The following TMEM39A variants were observed in gnomAD, a reference collection of about 807,000 sequenced individuals.
TMEM39A encodes the protein transmembrane protein 39A.
Under a neutral mutation model 51.9 loss-of-function variants are expected in TMEM39A, and 19 were observed. The ratio of observed to expected loss-of-function variants is 0.37; its 90% CI spans 0.26 to 0.54. The LOEUF is 0.54. Among genes scored for constraint, TMEM39A ranks in the 20% least tolerant of loss-of-function variants. TMEM39A has a pLI of 0.88. For missense variants in TMEM39A, 433 were observed against 590.5 expected (o/e 0.73, Z 2.76); for synonymous variants, 197 against 220.2 (o/e 0.89, Z 0.93).
intron 7 of TMEM39A, among the ~76,000 whole-genome samples, chr3:119,436,321 C>T (rs2080967467): frequency 6.6e-6 from 1 of 151,914 alleles, no homozygotes; most frequent in Non-Finnish European, 1.5e-5. Context: ...TAAAAAAGTA[C>T]AGGTAAGGAA....
At chr3:119,438,292 A>G (rs1474894225) in intron 5 of TMEM39A, among the ~76,000 whole-genome samples, 189 bp from the exon 6 acceptor site, 1 of 152,236 alleles carries the variant, frequency 6.6e-6, no homozygotes, top group Non-Finnish European at 1.5e-5. Context: ...TTTCCATAAG[A>G]GCAGTGCACA....
chr3:119,450,826 CAAAAAAA>C (rs60326718), intron 4 of TMEM39A, among the ~76,000 whole-genome samples: 9 of 55,900 alleles, frequency 1.6e-4, no homozygotes, highest in South Asian at 1.2e-3. Flanking sequence ...GACTCCATCT[CAAAAAAA>C]AAAAAAAAAA....
At position 119,462,162 on chromosome 3, in the gene TMEM39A, A is replaced by G. The variant is rs1253391835; in HGVS notation, c.-74-14T>C. The stretch of plus-strand genomic sequence containing the variant: ...CCAGTTTCAACTCTGAACGACAACA[A>G]AAACATTTAAACATCAGTAGACTAT... On this transcript the variant is annotated splice_polypyrimidine_tract_variant and intron_variant, in intron 1 of 8. Transcript: ENST00000319172. 2 of 933,994 alleles carry G rather than the reference A, an allele frequency of 2.1e-6. No individual in the cohort carries two copies. The highest frequency in any genetic ancestry group is 5.1e-5 in the East Asian group (2 of 39,296). 57.9% of individuals were successfully genotyped at this position (933,994 alleles called of 1,614,324 possible). A position where few individuals can be genotyped will look rare whatever the true frequency, so the allele number is the denominator to read the frequency against.
intron 2 of TMEM39A, among the ~76,000 whole-genome samples, chr3:119,460,347 C>T (rs1463108780): frequency 1.3e-5 from 2 of 152,086 alleles, no homozygotes; most frequent in South Asian, 2.1e-4. Flanking sequence ...ATTTTCCGAA[C>T]GTTCCTACTT....
At chr3:119,459,282 G>A (rs1213925728) in intron 2 of TMEM39A, among the ~76,000 whole-genome samples, 1 of 152,204 alleles carries the variant, frequency 6.6e-6, no homozygotes, top group Non-Finnish European at 1.5e-5. Context: ...GAACACCTGT[G>A]TTTTGTCCTT....
At position 119,429,440 on chromosome 3, in the gene TMEM39A, C is replaced by G. The variant is rs556232601; in HGVS notation, c.*2541G>C. 6.6e-6 allele frequency: 1 copy of G among 152,040 alleles called. No homozygotes were observed. The highest frequency in any genetic ancestry group is 2.4e-5 in the African/African-American group (1 of 41,450). 9.4% of individuals were successfully genotyped at this position (152,040 alleles called of 1,614,324 possible). A position where few individuals can be genotyped will look rare whatever the true frequency, so the allele number is the denominator to read the frequency against. ...TTCCTTTTCCAGTATCCCAGTTCAC[C>G]CAACTGAACTTTTGCTATACCATGC... On this transcript the variant is annotated 3_prime_UTR_variant, in exon 9 of 9. Coordinates refer to ENST00000319172, the MANE Select transcript of TMEM39A (RefSeq NM_018266.3).
Position 119,463,438 on chromosome 3 carries a change from T to G in TMEM39A, c.-177A>C. On this transcript the variant is annotated 5_prime_UTR_variant, in exon 1 of 9. Transcript: ENST00000319172. ...GAACTCCCTCCCAGCGTTGGAACGC[T>G]GCAAACCAGCTGCTTGGACGCAGGC... The G allele has an allele frequency of 2.5e-6, 1 of 396,066 alleles. No homozygotes were observed. Among genetic ancestry groups the G allele is most frequent in the Non-Finnish European group, 4.4e-6 (1 of 224,894 alleles). The allele number at this position is 396,066 out of a possible 1,614,324, so 24.5% of individuals were successfully genotyped here. A position where few individuals can be genotyped will look rare whatever the true frequency, so the allele number is the denominator to read the frequency against.
intron 3 of TMEM39A, among the ~76,000 whole-genome samples, 183 bp downstream of exon 3, chr3:119,457,835 T>A (rs1355281511): frequency 6.6e-6 from 1 of 152,252 alleles, no homozygotes; most frequent in Non-Finnish European, 1.5e-5. Flanking sequence ...TTACTTCCTC[T>A]GGTAGTACTT....
chr3:119,439,529 G>A (rs888331849), intron 5 of TMEM39A, among the ~76,000 whole-genome samples: 4 of 61,500 alleles, frequency 6.5e-5, no homozygotes, highest in South Asian at 6.6e-4. Context: ...GCAGTGAGCC[G>A]AGACTGCACA....
chr3:119,455,315 T>C (rs1356910602), intron 3 of TMEM39A, among the ~76,000 whole-genome samples: 1 of 152,216 alleles, frequency 6.6e-6, no homozygotes, highest in Non-Finnish European at 1.5e-5. Flanking sequence ...TTCAGATTCA[T>C]GGGCTAAACT....
At chr3:119,463,290 G>T in intron 1 of TMEM39A, 46 bp downstream of exon 1, 1 of 310,734 alleles carries the variant, frequency 3.2e-6, no homozygotes, top group Non-Finnish European at 5.8e-6. Context: ...GAGGGCCGAG[G>T]CAGGTCCAGG....
In TMEM39A at chr3:119,432,176, GA is replaced by G; in HGVS notation, c.1271del (p.Leu424ProfsTer47). ...FHRPLRLLNL[L>X]ILIEGSVVFY... ...AGACGACACTGCCCTCAATAAGGAT[GA>G]GCAGATTTAACAGCCTTAATGGTCG... On this transcript the variant is annotated frameshift_variant, in exon 9 of 9. Transcript: ENST00000319172. LOFTEE classifies it high-confidence loss of function. 1 of 1,612,740 alleles carries G rather than the reference GA, an allele frequency of 6.2e-7. No individual in the cohort carries two copies. The highest frequency in any genetic ancestry group is 1.7e-4 in the Middle Eastern group (1 of 6,054).
intron 4 of TMEM39A, among the ~76,000 whole-genome samples, chr3:119,451,955 G>C (rs1045027863): frequency 6.6e-6 from 1 of 150,934 alleles, no homozygotes; most frequent in Non-Finnish European, 1.5e-5. Context: ...ACTAAACTTA[G>C]ATTCTAATCT....
At chr3:119,437,210 C>G (rs1289960144) in intron 6 of TMEM39A, among the ~76,000 whole-genome samples, 1 of 152,116 alleles carries the variant, frequency 6.6e-6, no homozygotes, top group Non-Finnish European at 1.5e-5. Context: ...TTTTAAGTGT[C>G]TCCTTTCTAG....
chr3:119,438,465 T>C (rs1315911452), intron 5 of TMEM39A, among the ~76,000 whole-genome samples: 2 of 152,244 alleles, frequency 1.3e-5, no homozygotes, highest in Non-Finnish European at 2.9e-5. Flanking sequence ...TTTGGCTTCA[T>C]ACAGTACCAT....
rs1379825610 is a variant in TMEM39A at position 119,440,032 on chromosome 3, T to C, written c.576-1929A>G. Among the ~76,000 whole-genome samples the C allele has an allele frequency of 2.0e-5, 3 of 152,206 alleles. No homozygotes were observed. In the East Asian group the frequency reaches 5.8e-4, roughly 29 times the overall value. On this transcript the variant is annotated intron_variant, in intron 5 of 8. Coordinates refer to ENST00000319172, the MANE Select transcript of TMEM39A (RefSeq NM_018266.3). ...ATCCTACCGCCTGGGCCTTGCAAAG[T>C]GGTGGGATTACAGGTGTAAGCCACC...
chr3:119,441,620 T>C (rs1247821815), intron 5 of TMEM39A, among the ~76,000 whole-genome samples: 4 of 152,176 alleles, frequency 2.6e-5, no homozygotes, highest in Admixed American at 2.0e-4. Flanking sequence ...AAAAGCACAA[T>C]GTGAAACAGC....
intron 2 of TMEM39A, among the ~76,000 whole-genome samples, chr3:119,459,472 T>C (rs545561284): frequency 1.3e-5 from 2 of 152,204 alleles, no homozygotes; most frequent in South Asian, 4.2e-4. Context: ...TCAGGTGATA[T>C]TATTAACAAA....
intron 8 of TMEM39A, 25 bp downstream of exon 8, chr3:119,434,737 T>C (rs2080946383): frequency 8.7e-6 from 14 of 1,612,398 alleles, no homozygotes; most frequent in Non-Finnish European, 1.2e-5. Context: ...AAGCTTATGT[T>C]TGAAAATAAA....
Sources: allele counts gnomAD v4.1 joint callset (sites outside exome capture counted in the v4.1 genomes callset), GRCh38; gene constraint gnomAD v4.1.1; transcripts MANE v1.5; gene names NCBI Gene and HGNC (gene_info 2026-07-23, HGNC 2026-07-21).